The following DPY19L4 variants were observed in gnomAD, a reference collection of about 807,000 sequenced individuals.
DPY19L4 encodes dpy-19 like 4.
Under a neutral mutation model 102.8 loss-of-function variants are expected in DPY19L4, and 97 were observed. The observed-to-expected ratio is 0.94, with a 90% CI of 0.80 to 1.12. The LOEUF (loss-of-function observed/expected upper bound fraction) is 1.12. Ranked by LOEUF, DPY19L4 falls within the 50% of genes most tolerant of loss-of-function variation. The pLI is 0.00. For synonymous variants in DPY19L4, 252 were observed against 283.1 expected (o/e 0.89, Z 1.10); for missense variants, 815 against 850.4 (o/e 0.96, Z 0.52).
chr8:94,731,201 C>T (rs370206634), intron 2 of DPY19L4, among the ~76,000 whole-genome samples: 1 of 151,844 alleles, frequency 6.6e-6, no homozygotes, highest in African/African-American at 2.4e-5. Flanking sequence ...CCAAGAAATC[C>T]ATTTAGAAAT....
Position 94,783,760 on chromosome 8 carries a change from G to A in DPY19L4, c.1806G>A (p.Leu602=), listed in dbSNP as rs1328714021. Residue 602 remains leucine, a synonymous_variant, in exon 17 of 19, where the codon TTG becomes TTA. Transcript: ENST00000414645. ...KLCTGWMVTS[L]PLYNDDDLLK... ...GCACTGGATGGATGGTGACAAGTTT[G>A]CCTCTTTACAATGATGATGATCTTC... 1 of 1,614,078 alleles carries A rather than the reference G, an allele frequency of 6.2e-7. No individual in the cohort carries two copies. The highest frequency in any genetic ancestry group is 1.1e-5 in the South Asian group (1 of 91,078).
chr8:94,724,966 G>A (rs983214718), intron 1 of DPY19L4, among the ~76,000 whole-genome samples: 1 of 151,660 alleles, frequency 6.6e-6, no homozygotes, highest in African/African-American at 2.4e-5. Flanking sequence ...ATAGAAATGG[G>A]TAAACATTAG....
At chr8:94,763,669 C>A (rs1812501890) in intron 8 of DPY19L4, among the ~76,000 whole-genome samples, 1 of 151,756 alleles carries the variant, frequency 6.6e-6, no homozygotes, top group African/African-American at 2.4e-5. Flanking sequence ...TACAGGCATG[C>A]CCCACCACAC....
At chr8:94,753,788 C>T (rs796184539) in intron 6 of DPY19L4, among the ~76,000 whole-genome samples, 1 of 152,130 alleles carries the variant, frequency 6.6e-6, no homozygotes, top group South Asian at 2.1e-4. Flanking sequence ...AGGAGAATCG[C>T]TTGAACCTTG....
intron 2 of DPY19L4, among the ~76,000 whole-genome samples, chr8:94,733,323 C>G (rs903134368): frequency 2.6e-5 from 4 of 151,526 alleles, no homozygotes; most frequent in Non-Finnish European, 5.9e-5. Flanking sequence ...GACGGGGTTT[C>G]ACCGTGTTAG....
chr8:94,761,768 T>C lies in DPY19L4; in HGVS notation c.804T>C (p.Tyr268=). The C allele has an allele frequency of 1.2e-6, 2 of 1,612,336 alleles. No individual in the cohort carries two copies. Among genetic ancestry groups the C allele is most frequent in the East Asian group, 2.2e-5 (1 of 44,770 alleles). ...TFMMMWEYSH[Y]LLFLQAISLF... Reference sequence around the variant, plus strand: ...TGATGATGTGGGAGTATAGCCACTATCTCCTGTTTCTTCAAGCAATATCTC... The same window carrying C: ...TGATGATGTGGGAGTATAGCCACTACCTCCTGTTTCTTCAAGCAATATCTC... The change falls in exon 8 of 19, where the codon TAT becomes TAC. Residue 268 remains tyrosine, a synonymous_variant. Coordinates refer to ENST00000414645, the MANE Select transcript of DPY19L4 (RefSeq NM_181787.3).
chr8:94,783,028 C>T (rs970392169), intron 16 of DPY19L4, among the ~76,000 whole-genome samples: 2 of 151,892 alleles, frequency 1.3e-5, no homozygotes, highest in African/African-American at 2.4e-5. Flanking sequence ...AATAGCCGGG[C>T]ACTATCCCTG....
At chr8:94,783,844 A>G (rs752145783) in intron 17 of DPY19L4, 42 bp downstream of exon 17, 3 of 1,607,568 alleles carry the variant, frequency 1.9e-6, no homozygotes, top group Non-Finnish European at 2.6e-6. Flanking sequence ...CTTTTCCAGC[A>G]CTTTGTATTT....
At chr8:94,789,670 C>A in intron 18 of DPY19L4, 76 bp from the exon 19 acceptor site, 1 of 1,247,526 alleles carries the variant, frequency 8.0e-7, no homozygotes, top group African/African-American at 1.5e-5. Flanking sequence ...TATAAATATA[C>A]TCATTTGTAT....
intron 17 of DPY19L4, 54 bp from the exon 18 acceptor site, chr8:94,787,840 T>C: frequency 9.3e-7 from 1 of 1,069,864 alleles, no homozygotes; most frequent in African/African-American, 1.7e-5. Context: ...AAATGTCCTT[T>C]AAATTTTATT....
chr8:94,775,553 C>G (rs553068118), intron 13 of DPY19L4, among the ~76,000 whole-genome samples: 1 of 152,212 alleles, frequency 6.6e-6, no homozygotes, highest in African/African-American at 2.4e-5. Context: ...TCGTGAACAT[C>G]TGGCTTCAAA....
Position 94,733,822 on chromosome 8 carries a change from G to A in DPY19L4, c.128-808G>A, listed in dbSNP as rs143080776. Among the ~76,000 whole-genome samples, 56 of 152,168 alleles carry A rather than the reference G, an allele frequency of 3.7e-4. No individual in the cohort carries two copies. In the East Asian group the frequency reaches 9.7e-3, roughly 26 times the overall value. ...CTCCCAAAGTGGCGGGATTACAGAC[G>A]TGAGCTACCGCGCCCGGCCTATACT... On this transcript the variant is annotated intron_variant, in intron 2 of 18. Transcript: ENST00000414645.
intron 2 of DPY19L4, among the ~76,000 whole-genome samples, chr8:94,729,597 CAAAAAAAAAAAA>C (rs770975687): frequency 3.2e-5 from 1 of 31,044 alleles, no homozygotes; most frequent in Non-Finnish European, 5.3e-5. Flanking sequence ...GATTCCATCT[CAAAAAAAAAAAA>C]AAAAAAAAAA....
At chr8:94,754,083 C>G (rs1354713755) in intron 6 of DPY19L4, among the ~76,000 whole-genome samples, 1 of 151,982 alleles carries the variant, frequency 6.6e-6, no homozygotes, top group African/African-American at 2.4e-5. Context: ...CTTGGGGATA[C>G]TGAGGTGGGA....
At chr8:94,761,275 A>T (rs967378742) in intron 7 of DPY19L4, among the ~76,000 whole-genome samples, 3 of 152,194 alleles carry the variant, frequency 2.0e-5, no homozygotes, top group Non-Finnish European at 4.4e-5. Context: ...AAATTATTAA[A>T]ACTTGAAGCA....
intron 13 of DPY19L4, among the ~76,000 whole-genome samples, chr8:94,773,523 C>T (rs906304811): frequency 2.0e-5 from 3 of 151,114 alleles, no homozygotes; most frequent in African/African-American, 4.8e-5. Context: ...CCTCTGCCTC[C>T]CAGTTCAAGC....
At chr8:94,758,216 G>C (rs1426421781) in intron 7 of DPY19L4, among the ~76,000 whole-genome samples, 1 of 151,634 alleles carries the variant, frequency 6.6e-6, no homozygotes, top group Non-Finnish European at 1.5e-5. Context: ...CCAGACTGGA[G>C]TGCGGTGGCG....
At chr8:94,755,422 CTG>C (rs1400181802) in intron 6 of DPY19L4, among the ~76,000 whole-genome samples, 1 of 152,120 alleles carries the variant, frequency 6.6e-6, no homozygotes, top group African/African-American at 2.4e-5. Flanking sequence ...CTGGGGTACT[CTG>C]TGCAACAAGC....
intron 1 of DPY19L4, among the ~76,000 whole-genome samples, chr8:94,722,800 G>T (rs535716013): frequency 3.9e-5 from 6 of 152,184 alleles, no homozygotes; most frequent in African/African-American, 1.2e-4. Context: ...TTGTATCCAG[G>T]TGTTCTCCGC....
Sources: allele counts gnomAD v4.1 joint callset (sites outside exome capture counted in the v4.1 genomes callset), GRCh38; gene constraint gnomAD v4.1.1; transcripts MANE v1.5; gene names NCBI Gene and HGNC (gene_info 2026-07-23, HGNC 2026-07-21).